The following TAF15 variants were observed in gnomAD, a reference collection of about 807,000 sequenced individuals.
The protein encoded by TAF15 is TATA-binding protein-associated factor 2N.
A neutral mutation model predicts 102.5 loss-of-function variants in TAF15; 37 were observed. That is an observed-to-expected ratio of 0.36 (90% CI 0.28 to 0.47). TAF15 has a LOEUF of 0.47. Among genes scored for constraint, TAF15 ranks in the 20% least tolerant of loss-of-function variants. The pLI is 0.99. For synonymous variants in TAF15, 273 were observed against 259.2 expected, an observed-to-expected ratio of 1.05 and a Z score of -0.51; for missense variants, 652 against 760.7, an observed-to-expected ratio of 0.86 and a Z score of 1.68.
chr17:35,823,080 T>C (rs1162718931), intron 6 of TAF15, among the ~76,000 whole-genome samples: 5 of 152,346 alleles, frequency 3.3e-5, no homozygotes, highest in African/African-American at 9.6e-5. Context: ...CAGTGAACTC[T>C]GATCCTTGAC....
intron 1 of TAF15, among the ~76,000 whole-genome samples, chr17:35,814,162 CA>C (rs1437505423): frequency 2.0e-5 from 3 of 151,660 alleles, no homozygotes; most frequent in Admixed American, 1.3e-4. Flanking sequence ...AAACACCAAC[CA>C]AAAGGTGATT....
At chr17:35,821,140 T>G (rs1209847715) in intron 5 of TAF15, among the ~76,000 whole-genome samples, 1 of 152,200 alleles carries the variant, frequency 6.6e-6, no homozygotes, top group Non-Finnish European at 1.5e-5. Flanking sequence ...GGCTAAAAAC[T>G]GAGGTCTCTA....
At chr17:35,815,642 T>A (rs997906935) in intron 1 of TAF15, among the ~76,000 whole-genome samples, 1 of 152,230 alleles carries the variant, frequency 6.6e-6, no homozygotes, top group Non-Finnish European at 1.5e-5. Flanking sequence ...CCTACATCCA[T>A]GCTTCAGGAT....
chr17:35,809,530 C>G lies in TAF15; in HGVS notation c.-40C>G, dbSNP rs377647731. 6 of 1,612,736 alleles carry G rather than the reference C, an allele frequency of 3.7e-6. No individual in the cohort carries two copies. Among genetic ancestry groups the G allele is most frequent in the African/African-American group, 1.3e-5 (1 of 75,030 alleles). On this transcript the variant is annotated 5_prime_UTR_variant, in exon 1 of 16. Transcript: ENST00000605844. ...CCGCCTGGCTTTCGTATTCGTTGTT[C>G]TCGGCGGGCTGTGGGGCCTCCGCGC...
intron 11 of TAF15, among the ~76,000 whole-genome samples, chr17:35,840,093 A>T (rs1207484351): frequency 6.6e-6 from 1 of 152,098 alleles, no homozygotes; most frequent in Non-Finnish European, 1.5e-5. Context: ...CCAGGATCAT[A>T]GAGTAAGTCG....
intron 7 of TAF15, 51 bp downstream of exon 7, chr17:35,824,249 T>TC (rs773750768): frequency 1.2e-6 from 2 of 1,603,946 alleles, no homozygotes; most frequent in African/African-American, 2.7e-5. Flanking sequence ...CTCTTTTTTT[T>TC]TTTTTTAAGG....
intron 14 of TAF15, 45 bp from the exon 15 acceptor site, chr17:35,844,432 T>C: frequency 6.2e-7 from 1 of 1,613,110 alleles, no homozygotes; most frequent in Non-Finnish European, 8.5e-7. Context: ...AAGGGGGCTT[T>C]ACGTTGTTTC....
rs751561799 is a variant in TAF15, at chr17:35,844,754, C to T, written c.1455C>T (p.Gly485=). The T allele has an allele frequency of 3.1e-6, 5 of 1,610,404 alleles. No homozygotes were observed. The Admixed American group carries it at 6.7e-5, about 22-fold the overall frequency. The part of the protein sequence containing the change: ...RGGGYGGDRG[G]YGGDRGGGYG... ...GTGGCTATGGAGGAGATCGAGGTGG[C>T]TATGGAGGAGACCGAGGTGGAGGCT... Residue 485 remains glycine (G), a synonymous_variant, in exon 15 of 16, where the codon GGC becomes GGT. Coordinates refer to ENST00000605844, the MANE Select transcript of TAF15 (RefSeq NM_139215.3).
intron 7 of TAF15, among the ~76,000 whole-genome samples, chr17:35,827,358 C>A (rs1047692909): frequency 1.3e-5 from 2 of 149,040 alleles, no homozygotes; most frequent in Admixed American, 6.7e-5. Context: ...AAAAATAGTT[C>A]TTTTGGGGGC....
chr17:35,829,675 G>A (rs1010434772), intron 7 of TAF15, among the ~76,000 whole-genome samples: 1 of 147,316 alleles, frequency 6.8e-6, no homozygotes, highest in Non-Finnish European at 1.5e-5. Context: ...GAGACCTGGA[G>A]TAGAGATTCT....
intron 11 of TAF15, among the ~76,000 whole-genome samples, chr17:35,841,227 G>C (rs1489057142): frequency 6.6e-6 from 1 of 152,228 alleles, no homozygotes; most frequent in African/African-American, 2.4e-5. Flanking sequence ...TAAAATATGA[G>C]TTTCTTTTTC....
intron 1 of TAF15, chr17:35,810,026 A>C (rs2087106760): frequency 3.4e-6 from 1 of 294,916 alleles, no homozygotes; most frequent in Non-Finnish European, 6.6e-6. Context: ...CCCATCCTCG[A>C]AGTGGAGCTG....
chr17:35,818,672 ATAG>A (rs1488401011), intron 2 of TAF15: 5 of 152,212 alleles, frequency 3.3e-5, no homozygotes, highest in African/African-American at 4.8e-5. Flanking sequence ...TTATCCAGAC[ATAG>A]TGGTGTGTAC....
chr17:35,831,809 G>T (rs1240873629), intron 7 of TAF15, among the ~76,000 whole-genome samples: 1 of 152,094 alleles, frequency 6.6e-6, no homozygotes, highest in East Asian at 1.9e-4. Flanking sequence ...GAGGCCGGGC[G>T]TGGTGGCTCA....
At chr17:35,824,991 G>A (rs1040052500) in intron 7 of TAF15, among the ~76,000 whole-genome samples, 11 of 152,180 alleles carry the variant, frequency 7.2e-5, no homozygotes, top group Middle Eastern at 3.4e-3. Context: ...ATATTTGTGT[G>A]TAAATACACA....
intron 9 of TAF15, 139 bp from the exon 10 acceptor site, chr17:35,835,993 A>C (rs1027601035): frequency 6.2e-6 from 4 of 644,294 alleles, no homozygotes; most frequent in Non-Finnish European, 1.1e-5. Context: ...TGTTTATATA[A>C]GGTTGTTCTT....
intron 7 of TAF15, among the ~76,000 whole-genome samples, chr17:35,825,800 T>G (rs911252387): frequency 1.3e-5 from 2 of 151,946 alleles, no homozygotes; most frequent in African/African-American, 4.8e-5. Context: ...TACAAAAAAT[T>G]AGCCAGACGT....
At chr17:35,832,110 A>G (rs2087415112) in intron 7 of TAF15, among the ~76,000 whole-genome samples, 1 of 152,120 alleles carries the variant, frequency 6.6e-6, no homozygotes, top group East Asian at 1.9e-4. Context: ...CCTCTGAGAT[A>G]CCTTGGTTTC....
intron 12 of TAF15, among the ~76,000 whole-genome samples, chr17:35,843,663 A>G (rs2087574569): frequency 3.3e-5 from 5 of 152,178 alleles, no homozygotes; most frequent in Admixed American, 3.3e-4. Flanking sequence ...ATAATGCTCA[A>G]AGGAAATGGT....
Sources: allele counts gnomAD v4.1 joint callset (sites outside exome capture counted in the v4.1 genomes callset), GRCh38; gene constraint gnomAD v4.1.1; transcripts MANE v1.5; gene names NCBI Gene and HGNC (gene_info 2026-07-23, HGNC 2026-07-21).